Variants in DLGAP2 observed in about 807,000 individuals in gnomAD.
DLGAP2 encodes disks large-associated protein 2.
DLGAP2 carries 26 observed loss-of-function variants against 100.3 expected under a neutral mutation model. That is an observed-to-expected ratio of 0.26 (90% CI 0.19 to 0.36). The LOEUF is 0.36. DLGAP2 is among the 10% of genes least tolerant of loss of function. DLGAP2 has a pLI of 1.00. For synonymous variants in DLGAP2, 886 were observed against 630.1 expected, an observed-to-expected ratio of 1.41 and a Z score of -6.08; for missense variants, 1,858 against 1,453.2, an observed-to-expected ratio of 1.28 and a Z score of -4.53.
At chr8:1,554,781 C>G (rs1035743585) in intron 5 of DLGAP2, among the ~76,000 whole-genome samples, 1 of 152,054 alleles carries the variant, frequency 6.6e-6, no homozygotes, top group African/African-American at 2.4e-5. Flanking sequence ...CCCCCCCTCC[C>G]CCGCGCCCAC....
At chr8:842,733 TTTC>T (rs1226410849) in intron 1 of DLGAP2, among the ~76,000 whole-genome samples, 14 of 152,202 alleles carry the variant, frequency 9.2e-5, no homozygotes, top group Admixed American at 7.9e-4. Context: ...TTTTGGGGAT[TTTC>T]TTCTTTTTTC....
intron 2 of DLGAP2, among the ~76,000 whole-genome samples, chr8:1,234,159 G>A (rs376895732): frequency 6.6e-6 from 1 of 152,206 alleles, no homozygotes; most frequent in Admixed American, 6.5e-5. Context: ...GTCCTCCCTC[G>A]AAAGCGGAAA....
At position 1,592,170 on chromosome 8, in the gene DLGAP2, T is replaced by C. The variant is rs372178225; in HGVS notation, c.1442+26276T>C. On this transcript the variant is annotated intron_variant, in intron 6 of 14. Transcript: ENST00000637795. ...CGCCCAGGCTTACCTAACGGGGCCATCTCCTGGCCGCAGCTCTCCATGGTT... is the reference window on the plus strand; with the variant it reads ...CGCCCAGGCTTACCTAACGGGGCCACCTCCTGGCCGCAGCTCTCCATGGTT... Among the ~76,000 whole-genome samples the C allele has an allele frequency of 3.9e-5, 6 of 152,304 alleles. No individual in the cohort carries two copies. The East Asian group carries it at 9.7e-4, about 25-fold the overall frequency.
chr8:1,697,320 C>T (rs981058802), intron 14 of DLGAP2, 21 bp downstream of exon 14: 3 of 1,571,476 alleles, frequency 1.9e-6, no homozygotes, highest in South Asian at 1.2e-5. Context: ...CCATGCAGGG[C>T]CGGCTCCCAG....
intron 3 of DLGAP2, among the ~76,000 whole-genome samples, chr8:1,439,671 C>T (rs997049740): frequency 1.3e-5 from 2 of 152,148 alleles, no homozygotes; most frequent in East Asian, 3.9e-4. Context: ...GAAACTGAAA[C>T]GGCAACGTGA....
chr8:1,502,371 A>G (rs1483026012), intron 4 of DLGAP2, among the ~76,000 whole-genome samples: 1 of 152,258 alleles, frequency 6.6e-6, no homozygotes, highest in Non-Finnish European at 1.5e-5. Context: ...AAAGAATAAT[A>G]TCGAAAATTG....
chr8:748,314 G>T (rs879362770), intron 1 of DLGAP2, among the ~76,000 whole-genome samples: 1 of 151,838 alleles, frequency 6.6e-6, no homozygotes, highest in Admixed American at 6.6e-5. Flanking sequence ...GGGGGACTCC[G>T]TGGTGGGATG....
chr8:1,454,049 G>A (rs191039187), intron 3 of DLGAP2, among the ~76,000 whole-genome samples: 1 of 152,370 alleles, frequency 6.6e-6, no homozygotes, highest in East Asian at 1.9e-4. Context: ...AGTTAACACT[G>A]TTGAATGACA....
At chr8:1,509,605 C>A (rs568947509) in intron 4 of DLGAP2, among the ~76,000 whole-genome samples, 1 of 151,974 alleles carries the variant, frequency 6.6e-6, no homozygotes, top group South Asian at 2.1e-4. Context: ...GTCGTGGGTT[C>A]TCAGAGGCAG....
intron 2 of DLGAP2, among the ~76,000 whole-genome samples, chr8:1,020,827 G>C (rs1436151716): frequency 6.6e-6 from 1 of 152,214 alleles, no homozygotes; most frequent in African/African-American, 2.4e-5. Flanking sequence ...CGGCTCCAGA[G>C]ACTGAACAGT....
intron 2 of DLGAP2, among the ~76,000 whole-genome samples, chr8:1,043,266 A>G (rs564266840): frequency 0.033 from 1,117 of 34,152 alleles, 8 homozygotes; most frequent in African/African-American, 0.051. Flanking sequence ...TGGGTGGTGG[A>G]TGTGGGTGGT....
intron 4 of DLGAP2, among the ~76,000 whole-genome samples, chr8:1,519,651 A>G (rs1291870278): frequency 6.6e-6 from 1 of 152,252 alleles, no homozygotes; most frequent in African/African-American, 2.4e-5. Context: ...AAACTAGATT[A>G]AATGTTCCAG....
intron 3 of DLGAP2, among the ~76,000 whole-genome samples, chr8:1,285,314 A>G (rs903594080): frequency 2.1e-4 from 32 of 152,242 alleles, no homozygotes; most frequent in Non-Finnish European, 1.3e-4. Flanking sequence ...AAAACAGTGC[A>G]TACATTTATT....
At chr8:1,486,718 G>A (rs1799244492) in intron 3 of DLGAP2, among the ~76,000 whole-genome samples, 1 of 152,198 alleles carries the variant, frequency 6.6e-6, no homozygotes, top group Admixed American at 6.5e-5. Flanking sequence ...AATTGCCAGG[G>A]TTTTTCATTA....
intron 2 of DLGAP2, among the ~76,000 whole-genome samples, chr8:1,142,599 T>A (rs1796540716): frequency 4.6e-5 from 7 of 152,186 alleles, no homozygotes; most frequent in Admixed American, 4.6e-4. Context: ...TTCATGCTTG[T>A]TCTGTAAGCC....
chr8:752,794 A>G (rs1820824944), intron 1 of DLGAP2, among the ~76,000 whole-genome samples: 1 of 152,036 alleles, frequency 6.6e-6, no homozygotes, highest in Non-Finnish European at 1.5e-5. Flanking sequence ...GGAGACCTTC[A>G]TGATACTGTC....
chr8:844,896 T>C (rs1196960789), intron 1 of DLGAP2, among the ~76,000 whole-genome samples: 1 of 152,226 alleles, frequency 6.6e-6, no homozygotes, highest in Non-Finnish European at 1.5e-5. Flanking sequence ...TTGATTACCA[T>C]GCTCTGGACA....
chr8:999,955 A>G (rs1348512921), intron 2 of DLGAP2, among the ~76,000 whole-genome samples: 5 of 150,164 alleles, frequency 3.3e-5, no homozygotes, highest in African/African-American at 9.7e-5. Flanking sequence ...GATTTTCTCT[A>G]GAGCAGACAG....
At chr8:766,387 C>T (rs1347872233) in intron 1 of DLGAP2, among the ~76,000 whole-genome samples, 1 of 152,208 alleles carries the variant, frequency 6.6e-6, no homozygotes, top group East Asian at 1.9e-4. Context: ...ATGCTGGAGG[C>T]CATCCTTCCT....
Sources: allele counts gnomAD v4.1 joint callset (sites outside exome capture counted in the v4.1 genomes callset), GRCh38; gene constraint gnomAD v4.1.1; transcripts MANE v1.5; gene names NCBI Gene and HGNC (gene_info 2026-07-23, HGNC 2026-07-21).